ARB2A: variants seen among roughly 807,000 people sequenced by gnomAD.
ARB2A encodes the protein cotranscriptional regulator ARB2A.
the ARB2A span, among the ~76,000 whole-genome samples, chr5:93,650,866 C>T: frequency 2.6e-5 from 4 of 151,746 alleles, no homozygotes; most frequent in African/African-American, 9.7e-5. Flanking sequence ...GTCGTGCATG[C>T]CTATAAACCC....
the ARB2A span, among the ~76,000 whole-genome samples, chr5:94,017,773 G>T: frequency 6.6e-6 from 1 of 152,172 alleles, no homozygotes; most frequent in Admixed American, 6.5e-5. Flanking sequence ...TACAGGACTA[G>T]TCCTGTGTAG....
At chr5:93,881,693 T>G in the ARB2A span, 2 of 1,487,232 alleles carry the variant, frequency 1.3e-6, no homozygotes, top group Admixed American at 4.7e-5. Context: ...TCCTTCCTGT[T>G]TTGAAATGAA....
chr5:93,833,715 TTTATA>T, the ARB2A span, among the ~76,000 whole-genome samples: 1 of 152,342 alleles, frequency 6.6e-6, no homozygotes, highest in East Asian at 1.9e-4. Flanking sequence ...GTACATGCTT[TTTATA>T]CTAAACAAGT....
At chr5:93,692,190 T>C in the ARB2A span, among the ~76,000 whole-genome samples, 1 of 152,132 alleles carries the variant, frequency 6.6e-6, no homozygotes, top group Non-Finnish European at 1.5e-5. Flanking sequence ...TAACCTTAAA[T>C]GTAAATGGGT....
the ARB2A span, among the ~76,000 whole-genome samples, chr5:93,942,532 A>G: frequency 1.3e-5 from 2 of 150,864 alleles, no homozygotes; most frequent in East Asian, 1.9e-4. Context: ...TCTTTAAGGG[A>G]AAAAAAAACC....
the ARB2A span, among the ~76,000 whole-genome samples, chr5:94,052,459 A>T: frequency 1.2e-4 from 18 of 152,326 alleles, no homozygotes; most frequent in African/African-American, 4.3e-4. Context: ...GAATATCCAC[A>T]AATACAGTGA....
At chr5:93,646,576 T>C in the ARB2A span, among the ~76,000 whole-genome samples, 4 of 152,106 alleles carry the variant, frequency 2.6e-5, no homozygotes, top group African/African-American at 9.6e-5. Context: ...TTTTTTTCCA[T>C]ATTTCTCCTT....
At chr5:93,949,990 C>T in the ARB2A span, among the ~76,000 whole-genome samples, 9 of 152,172 alleles carry the variant, frequency 5.9e-5, no homozygotes, top group African/African-American at 2.2e-4. Context: ...TGGATTATTT[C>T]ATTTAACATA....
the ARB2A span, among the ~76,000 whole-genome samples, chr5:93,934,251 C>G: frequency 6.6e-6 from 1 of 152,102 alleles, no homozygotes; most frequent in Non-Finnish European, 1.5e-5. Flanking sequence ...TCACACAAAT[C>G]ACCTATAAAT....
chr5:93,713,974 T>C, the ARB2A span, among the ~76,000 whole-genome samples: 5 of 152,142 alleles, frequency 3.3e-5, no homozygotes, highest in Admixed American at 6.5e-5. Flanking sequence ...CAGGGGCCAA[T>C]AGGACTAGGG....
the ARB2A span, among the ~76,000 whole-genome samples, chr5:93,972,147 C>T: frequency 6.6e-6 from 1 of 152,250 alleles, no homozygotes; most frequent in South Asian, 2.1e-4. Context: ...TGAAGGTGAA[C>T]ACTGGCTGGG....
At chr5:93,678,155 C>T in the ARB2A span, among the ~76,000 whole-genome samples, 3 of 152,266 alleles carry the variant, frequency 2.0e-5, no homozygotes, top group South Asian at 2.1e-4. Flanking sequence ...CCAGACAATA[C>T]TGTTTGTTAT....
chr5:94,034,491 C>A, the ARB2A span, among the ~76,000 whole-genome samples: 5 of 152,156 alleles, frequency 3.3e-5, no homozygotes, highest in Non-Finnish European at 2.9e-5. Context: ...CTGCTTAATT[C>A]TTTCCCTCTG....
the ARB2A span, among the ~76,000 whole-genome samples, chr5:93,986,133 C>T: frequency 2.1e-5 from 3 of 144,448 alleles, no homozygotes; most frequent in Non-Finnish European, 4.5e-5. Flanking sequence ...AGGTGAGGAG[C>T]GCCTCTGCCC....
At chr5:93,835,038 T>C in the ARB2A span, among the ~76,000 whole-genome samples, 1 of 152,230 alleles carries the variant, frequency 6.6e-6, no homozygotes, top group African/African-American at 2.4e-5. Context: ...TGAAAAGAAC[T>C]AAATCCATTA....
At chr5:93,884,524 AAT>A in the ARB2A span, among the ~76,000 whole-genome samples, 1 of 151,624 alleles carries the variant, frequency 6.6e-6, no homozygotes, top group African/African-American at 2.4e-5. Context: ...TCTATTTTTA[AAT>A]CACCACTATA....
chr5:93,886,345 G>C, the ARB2A span, among the ~76,000 whole-genome samples: 2 of 151,620 alleles, frequency 1.3e-5, no homozygotes, highest in African/African-American at 4.8e-5. Context: ...ATCTGCTTTG[G>C]TCTTCAGGCA....
At chr5:94,082,272 T>C in the ARB2A span, among the ~76,000 whole-genome samples, 1 of 152,096 alleles carries the variant, frequency 6.6e-6, no homozygotes, top group African/African-American at 2.4e-5. Flanking sequence ...CCTAAGCACA[T>C]ACCACCTAAA....
chr5:93,985,294 T>C, the ARB2A span, among the ~76,000 whole-genome samples: 96 of 151,996 alleles, frequency 6.3e-4, no homozygotes, highest in East Asian at 0.015. Flanking sequence ...GGATCTATCA[T>C]GGTTTAATCA....
Sources: gnomAD v4.1 joint callset for allele counts (sites outside exome capture counted in the v4.1 genomes callset) on GRCh38, gnomAD v4.1.1 for gene constraint, MANE v1.5 for transcripts, NCBI Gene and HGNC (gene_info 2026-07-23, HGNC 2026-07-21) for gene names.